ERC1: variants seen among roughly 807,000 people sequenced by gnomAD.
ERC1 encodes RAB6 interacting protein 2.
Under a neutral mutation model 132.0 loss-of-function variants are expected in ERC1, and 56 were observed. The ratio of observed to expected loss-of-function variants is 0.42; its 90% confidence interval spans 0.34 to 0.53. ERC1 has a LOEUF of 0.53. Among genes scored for constraint, ERC1 ranks in the 20% least tolerant of loss-of-function variants. The pLI, the probability that ERC1 is intolerant of heterozygous loss-of-function variation, is 0.03. For synonymous variants in ERC1, 478 were observed against 476.1 expected (o/e 1.00, Z -0.05); for missense variants, 1,202 against 1,349.9 (o/e 0.89, Z 1.72).
chr12:1,074,363 A>G (rs1406356579), intron 2 of ERC1, among the ~76,000 whole-genome samples: 3 of 151,750 alleles, frequency 2.0e-5, no homozygotes, highest in African/African-American at 4.8e-5. Context: ...GCTGGAGTGC[A>G]GTGGCGTGAT....
At chr12:1,045,931 A>G (rs893967528) in intron 2 of ERC1, among the ~76,000 whole-genome samples, 13 of 152,240 alleles carry the variant, frequency 8.5e-5, no homozygotes, top group African/African-American at 2.6e-4. Flanking sequence ...AAGATGATAA[A>G]TATAATTTGA....
intron 13 of ERC1, among the ~76,000 whole-genome samples, chr12:1,261,948 G>T (rs1043146444): frequency 7.9e-5 from 12 of 152,162 alleles, no homozygotes; most frequent in African/African-American, 2.9e-4. Context: ...CCAAAGTGGG[G>T]AGAAAAATCT....
chr12:1,187,461 C>G lies in ERC1; in HGVS notation c.2158-2398C>G, dbSNP rs542740960. Among the ~76,000 whole-genome samples the G allele has an allele frequency of 2.0e-5, 3 of 151,114 alleles. No individual in the cohort carries two copies. In the South Asian group the frequency reaches 6.3e-4, roughly 32 times the overall value. On this transcript the variant is annotated intron_variant, in intron 11 of 18. Transcript: ENST00000360905. ...TTATTTTTTTTTGTAGAGGCGAGGT[C>G]CCATTGTGTTTCCCTGGCAGGTCTT... is the stretch of plus-strand genomic sequence containing the variant.
chr12:1,449,925 C>T lies in ERC1; in HGVS notation c.3213+5175C>T, dbSNP rs2093387664. Among the ~76,000 whole-genome samples the T allele has an allele frequency of 2.0e-5, 3 of 151,932 alleles. No individual in the cohort carries two copies. In the South Asian group the frequency reaches 6.2e-4, roughly 32 times the overall value. On this transcript the variant is annotated intron_variant, in intron 18 of 18. Coordinates refer to ENST00000360905, the MANE Select transcript of ERC1 (RefSeq NM_178040.4). ...TGGCTTAAAGCTCAACTCCCCACCCCTTTTAAGTGATTACTCTGTGGTTTA... is the reference window on the plus strand; with the variant it reads ...TGGCTTAAAGCTCAACTCCCCACCCTTTTTAAGTGATTACTCTGTGGTTTA...
At chr12:1,388,754 A>G (rs1388522295) in intron 16 of ERC1, among the ~76,000 whole-genome samples, 2 of 152,238 alleles carry the variant, frequency 1.3e-5, no homozygotes, top group African/African-American at 4.8e-5. Context: ...TTAAGAATCT[A>G]TTCCAGTTGC....
At chr12:1,094,699 C>T (rs752396973) in intron 3 of ERC1, among the ~76,000 whole-genome samples, 100 of 152,280 alleles carry the variant, frequency 6.6e-4, no homozygotes, top group Non-Finnish European at 3.5e-4. Context: ...CGTGAGCCAC[C>T]GTGCCTGGCC....
intron 18 of ERC1, among the ~76,000 whole-genome samples, chr12:1,460,502 C>T (rs889913398): frequency 6.6e-6 from 1 of 152,064 alleles, no homozygotes; most frequent in African/African-American, 2.4e-5. Flanking sequence ...CGTTTGAATG[C>T]GACATCCATT....
At chr12:1,278,839 T>C (rs1001084990) in intron 14 of ERC1, among the ~76,000 whole-genome samples, 6 of 152,092 alleles carry the variant, frequency 3.9e-5, no homozygotes, top group Non-Finnish European at 8.8e-5. Context: ...GTGCTAACAA[T>C]CAAGGGAAAA....
intron 1 of ERC1, among the ~76,000 whole-genome samples, chr12:1,025,653 A>C (rs893832663): frequency 3.3e-5 from 5 of 152,202 alleles, no homozygotes; most frequent in Non-Finnish European, 7.3e-5. Flanking sequence ...CTATGTGAAG[A>C]CGAGTATACG....
At chr12:1,090,832 C>CGTTATT (rs372845329) in intron 3 of ERC1, among the ~76,000 whole-genome samples, 5 of 7,766 alleles carry the variant, frequency 6.4e-4, no homozygotes, top group East Asian at 0.17. Context: ...ATGCCTGGCC[C>CGTTATT]ATTATTATTA....
intron 15 of ERC1, among the ~76,000 whole-genome samples, chr12:1,308,699 G>A (rs577928733): frequency 6.6e-6 from 1 of 152,334 alleles, no homozygotes; most frequent in Non-Finnish European, 1.5e-5. Context: ...CTCATCAAAT[G>A]TGTGATTGTT....
intron 18 of ERC1, among the ~76,000 whole-genome samples, chr12:1,458,713 T>C (rs1592182353): frequency 6.6e-6 from 1 of 152,148 alleles, no homozygotes; most frequent in Non-Finnish European, 1.5e-5. Context: ...TAATTTTGTA[T>C]TTTTAGTAGA....
At chr12:1,021,800 A>G (rs1480624891) in intron 1 of ERC1, among the ~76,000 whole-genome samples, 4 of 151,626 alleles carry the variant, frequency 2.6e-5, no homozygotes, top group African/African-American at 9.7e-5. Flanking sequence ...CCTCCATGTC[A>G]CCTTATGGGA....
At chr12:1,415,166 AC>A (rs1193694046) in intron 17 of ERC1, among the ~76,000 whole-genome samples, 2 of 152,220 alleles carry the variant, frequency 1.3e-5, no homozygotes, top group Non-Finnish European at 2.9e-5. Flanking sequence ...TCGGGTAGAA[AC>A]TTTCCTTCCA....
rs150868759 is a variant in ERC1, at chr12:1,375,612, C to T, written c.2925+3635C>T. Among the ~76,000 whole-genome samples the T allele has an allele frequency of 2.6e-5, 4 of 152,208 alleles. No homozygotes were observed. The East Asian group carries it at 5.8e-4, about 22-fold the overall frequency. On this transcript the variant is annotated intron_variant, in intron 16 of 18. Transcript: ENST00000360905. The stretch of plus-strand genomic sequence containing the variant: ...ATTCAATAAGATAGCACACCTGAAG[C>T]GCTTAGAGTCCCCCCTTCCATTCCC...
Position 1,434,117 on chromosome 12 carries a change from G to C in ERC1, c.3025-10445G>C, listed in dbSNP as rs528448035. Among the ~76,000 whole-genome samples, 46 of 152,054 alleles carry C rather than the reference G, an allele frequency of 3.0e-4. No homozygotes were observed. In the South Asian group the frequency reaches 8.7e-3, roughly 29 times the overall value. ...GTCCCTTTTCTTTGCTTGATTTCTA[G>C]AGTTAGATTTTATCATTTCACTCTT... On this transcript the variant is annotated intron_variant, in intron 17 of 18. Transcript: ENST00000360905.
At chr12:1,253,814 A>G (rs2076617476) in intron 13 of ERC1, among the ~76,000 whole-genome samples, 1 of 152,202 alleles carries the variant, frequency 6.6e-6, no homozygotes. Flanking sequence ...TATAGAGTCC[A>G]GTCTCTCCCT....
chr12:1,250,876 T>G (rs962137342), intron 13 of ERC1, among the ~76,000 whole-genome samples: 1 of 152,166 alleles, frequency 6.6e-6, no homozygotes, highest in African/African-American at 2.4e-5. Flanking sequence ...TGAAAGAGGT[T>G]GTTGTGAGAG....
chr12:1,489,980 G>A, intron 18 of ERC1, 113 bp from the exon 19 acceptor site: 1 of 1,169,360 alleles, frequency 8.6e-7, no homozygotes, highest in Non-Finnish European at 1.2e-6. Context: ...TAATTTTGAT[G>A]CAGAGAGACT....
Sources: gnomAD v4.1 joint callset for allele counts (sites outside exome capture counted in the v4.1 genomes callset) on GRCh38, gnomAD v4.1.1 for gene constraint, MANE v1.5 for transcripts, NCBI Gene and HGNC (gene_info 2026-07-23, HGNC 2026-07-21) for gene names.